WSCD2: variants seen among roughly 807,000 people sequenced by gnomAD.
WSCD2 encodes the protein sialate:O-sulfotransferase 2.
WSCD2 carries 28 observed loss-of-function variants against 55.7 expected under a neutral mutation model. That is an observed-to-expected ratio of 0.50 (90% CI 0.37 to 0.69). The LOEUF (loss-of-function observed/expected upper bound fraction) is 0.69. WSCD2 is among the 30% of genes least tolerant of loss of function. WSCD2 has a pLI of 0.00. For synonymous variants in WSCD2, 301 were observed against 301.9 expected, an observed-to-expected ratio of 1.00 and a Z score of 0.03; for missense variants, 616 against 762.1, an observed-to-expected ratio of 0.81 and a Z score of 2.26.
intron 1 of WSCD2, among the ~76,000 whole-genome samples, chr12:108,144,033 C>T (rs1482562255): frequency 1.3e-5 from 2 of 152,160 alleles, no homozygotes; most frequent in African/African-American, 4.8e-5. Context: ...CACAAGAATG[C>T]CTGCCCAGGA....
At chr12:108,172,619 A>C (rs1880355735) in intron 1 of WSCD2, among the ~76,000 whole-genome samples, 1 of 152,200 alleles carries the variant, frequency 6.6e-6, no homozygotes, top group South Asian at 2.1e-4. Context: ...AGAGAAAAAA[A>C]TTGGGGTTAC....
Position 108,248,077 on chromosome 12 carries a change from G to A in WSCD2, c.1432G>A (p.Val478Met), listed in dbSNP as rs1566002679. The change falls in exon 9 of 9, where the codon GTG becomes ATG. Residue 478 changes from valine to methionine, a missense_variant. Around this residue, in one of 3 missense-constraint regions of WSCD2, gnomAD observed 234 missense variants for 264.6 expected, o/e 0.88. Transcript: ENST00000547525. This position sits in a 1 kb window ranked among gnomAD's most constrained non-coding sequence, Gnocchi z 4.3. ...CAAGTTTGGCAAGAAGGTGCTGGTG[G>A]TGCACTTTGAGGACCTGAAGCAGGA... ...WLKFGKKVLV[V>M]HFEDLKQDLF... The A allele has an allele frequency of 6.2e-7, 1 of 1,614,226 alleles. No homozygotes were observed. Among genetic ancestry groups the A allele is most frequent in the Non-Finnish European group, 8.5e-7 (1 of 1,180,048 alleles).
At position 108,210,353 on chromosome 12, in the gene WSCD2, A is replaced by G; in HGVS notation, c.682+48A>G. 6.6e-7 allele frequency: 1 copy of G among 1,520,026 alleles called. No homozygotes were observed. Among genetic ancestry groups the G allele is most frequent in the Non-Finnish European group, 8.8e-7 (1 of 1,138,396 alleles). The allele number at this position is 1,520,026 out of a possible 1,614,324, so 94.2% of individuals were successfully genotyped here. A position where few individuals can be genotyped will look rare whatever the true frequency, so the allele number is the denominator to read the frequency against. On this transcript the variant is annotated intron_variant, in intron 4 of 8. Coordinates refer to ENST00000547525, the MANE Select transcript of WSCD2 (RefSeq NM_014653.4). This position sits in a 1 kb window ranked among gnomAD's most constrained non-coding sequence, Gnocchi z 4.3. ...TCTCTGCTGCTCCTCCCTCAGCTGC[A>G]GCCCTTGCCCACCAAAGAGTCCCAC... is the stretch of plus-strand genomic sequence containing the variant.
At chr12:108,153,428 AC>A (rs1305850113) in intron 1 of WSCD2, among the ~76,000 whole-genome samples, 5 of 152,140 alleles carry the variant, frequency 3.3e-5, no homozygotes, top group African/African-American at 9.7e-5. Context: ...TTGGTTCCTA[AC>A]CTTGGAAGAG....
intron 4 of WSCD2, among the ~76,000 whole-genome samples, chr12:108,212,623 A>C (rs1280231078): frequency 6.7e-6 from 1 of 149,512 alleles, no homozygotes; most frequent in Non-Finnish European, 1.5e-5. Flanking sequence ...TCACACACAC[A>C]CACACACACA....
chr12:108,195,114 G>T (rs1420925984), intron 1 of WSCD2, among the ~76,000 whole-genome samples, 168 bp from the exon 2 acceptor site: 1 of 152,208 alleles, frequency 6.6e-6, no homozygotes, highest in Non-Finnish European at 1.5e-5. Flanking sequence ...TGTTCTAGAA[G>T]ACTCAGGGAT....
intron 1 of WSCD2, among the ~76,000 whole-genome samples, chr12:108,139,959 C>T (rs975179220): frequency 1.3e-5 from 2 of 152,024 alleles, no homozygotes; most frequent in South Asian, 2.1e-4. Context: ...GGGCCACTGG[C>T]GTCACCTTTC....
At chr12:108,247,829 T>C in intron 8 of WSCD2, among the ~76,000 whole-genome samples, 162 bp from the exon 9 acceptor site, 1 of 152,238 alleles carries the variant, frequency 6.6e-6, no homozygotes. Context: ...AGTGCTGGGA[T>C]TATAGGTGTG....
chr12:108,241,870 A>G (rs954968718), intron 8 of WSCD2, among the ~76,000 whole-genome samples: 1 of 152,244 alleles, frequency 6.6e-6, no homozygotes, highest in Non-Finnish European at 1.5e-5. Flanking sequence ...TTGTATATTA[A>G]TTAGATCTTA....
Position 108,196,015 on chromosome 12 carries a change from T to C in WSCD2, c.183T>C (p.Gly61=). ...CTGCTGCAGGAGGCCCAGCTGAGGGTGCTGAGCTGTCCTTCTTGGGTGACA... is the reference window on the plus strand; with the variant it reads ...CTGCTGCAGGAGGCCCAGCTGAGGGCGCTGAGCTGTCCTTCTTGGGTGACA... The part of the protein sequence containing the change: ...NPAAAGGPAE[G]AELSFLGDMH... Residue 61 remains glycine (G), a synonymous_variant, in exon 2 of 9, where the codon GGT becomes GGC. Coordinates refer to ENST00000547525, the MANE Select transcript of WSCD2 (RefSeq NM_014653.4). 1 of 1,614,136 alleles carries C rather than the reference T, an allele frequency of 6.2e-7. No homozygotes were observed. The highest frequency in any genetic ancestry group is 8.5e-7 in the Non-Finnish European group (1 of 1,180,008).
chr12:108,221,844 G>A (rs564487395), intron 4 of WSCD2, among the ~76,000 whole-genome samples: 25 of 152,258 alleles, frequency 1.6e-4, no homozygotes, highest in South Asian at 1.2e-3. Flanking sequence ...GAGGGACCAC[G>A]CAGCAGATCA....
intron 1 of WSCD2, among the ~76,000 whole-genome samples, chr12:108,137,975 A>G (rs545245976): frequency 3.3e-5 from 5 of 152,298 alleles, no homozygotes; most frequent in Middle Eastern, 3.4e-3. Context: ...ACAGCAGCCA[A>G]TGGCTCCCTC....
intron 4 of WSCD2, among the ~76,000 whole-genome samples, chr12:108,223,539 G>A (rs1565981452): frequency 1.3e-5 from 2 of 152,088 alleles, no homozygotes; most frequent in Non-Finnish European, 1.5e-5. Context: ...AGACACCTAG[G>A]TTGTTTCTAC....
chr12:108,156,174 T>C (rs1878489119), intron 1 of WSCD2, among the ~76,000 whole-genome samples: 1 of 152,200 alleles, frequency 6.6e-6, no homozygotes, highest in African/African-American at 2.4e-5. Flanking sequence ...ATGAAGGCAG[T>C]AGATTTGGTT....
chr12:108,216,828 C>T (rs1398243458), intron 4 of WSCD2, among the ~76,000 whole-genome samples: 1 of 152,194 alleles, frequency 6.6e-6, no homozygotes, highest in Non-Finnish European at 1.5e-5. Context: ...GAGGGTGGCT[C>T]CTGGGGAAAT....
intron 8 of WSCD2, chr12:108,244,408 T>G: frequency 1.5e-6 from 1 of 675,828 alleles, no homozygotes; most frequent in South Asian, 1.5e-5. Flanking sequence ...TTTGGAGGGA[T>G]GTTTGGACTA....
At chr12:108,192,819 A>G (rs1488747343) in intron 1 of WSCD2, among the ~76,000 whole-genome samples, 1 of 152,128 alleles carries the variant, frequency 6.6e-6, no homozygotes, top group African/African-American at 2.4e-5. Flanking sequence ...TGGTTCCCCC[A>G]GGCAGTTGCA....
chr12:108,194,753 AAG>A (rs978794838), intron 1 of WSCD2, among the ~76,000 whole-genome samples: 22 of 152,272 alleles, frequency 1.4e-4, no homozygotes, highest in African/African-American at 4.6e-4. Flanking sequence ...AGCTCTATGA[AAG>A]AGGGGATTTT....
chr12:108,207,735 T>C (rs1160265857), intron 3 of WSCD2, among the ~76,000 whole-genome samples: 1 of 151,866 alleles, frequency 6.6e-6, no homozygotes, highest in Non-Finnish European at 1.5e-5. Context: ...ATCAGCTGCC[T>C]AGGGAGCCCA....
Sources: allele counts gnomAD v4.1 joint callset (sites outside exome capture counted in the v4.1 genomes callset), GRCh38; gene constraint gnomAD v4.1.1; regional missense constraint gnomAD v4.1.1; non-coding constraint Gnocchi (gnomAD v3.1); transcripts MANE v1.5; gene names NCBI Gene and HGNC (gene_info 2026-07-23, HGNC 2026-07-21).